Variants in ETV7 observed in about 807,000 individuals in gnomAD.
ETV7 encodes the protein ETS variant transcription factor 7.
A neutral mutation model predicts 39.1 loss-of-function variants in ETV7; 43 were observed. That is an observed-to-expected ratio of 1.10 (90% CI 0.86 to 1.42). ETV7 has a LOEUF of 1.42. ETV7 is among the 40% of genes most tolerant of loss of function. The pLI, the probability that ETV7 is intolerant of heterozygous loss-of-function variation, is 0.00. For synonymous variants in ETV7, 196 were observed against 176.6 expected (o/e 1.11, Z -0.87); for missense variants, 432 against 442.3 (o/e 0.98, Z 0.21).
chr6:36,371,216 C>G, intron 5 of ETV7, 114 bp downstream of exon 5: 1 of 1,069,514 alleles, frequency 9.4e-7, no homozygotes. Context: ...CCTGCAATCC[C>G]CCAGCCACAG....
intron 3 of ETV7, 101 bp downstream of exon 3, chr6:36,375,770 G>A (rs1188844402): frequency 6.4e-7 from 1 of 1,573,560 alleles, no homozygotes; most frequent in Non-Finnish European, 8.7e-7. Flanking sequence ...ATTCCCCAAG[G>A]AAGACCCCTC....
chr6:36,375,799 C>T (rs1344804580), intron 3 of ETV7, 72 bp downstream of exon 3: 2 of 1,608,094 alleles, frequency 1.2e-6, no homozygotes, highest in South Asian at 2.2e-5. Flanking sequence ...TCCCTGGGCC[C>T]CCCGGGGGTA....
downstream of ETV7, among the ~76,000 whole-genome samples, chr6:36,362,529 AATTGT>A (rs1345053586): frequency 1.3e-5 from 2 of 152,180 alleles, no homozygotes; most frequent in African/African-American, 2.4e-5. Flanking sequence ...TCAGGACTTT[AATTGT>A]ATGAAAAATG....
At chr6:36,377,829 C>T (rs996265114) in intron 2 of ETV7, among the ~76,000 whole-genome samples, 2 of 152,080 alleles carry the variant, frequency 1.3e-5, no homozygotes, top group Admixed American at 6.5e-5. Context: ...ATAGTCCTCC[C>T]GACGGCACAC....
intron 2 of ETV7, among the ~76,000 whole-genome samples, chr6:36,378,354 T>G (rs112576240): frequency 6.6e-6 from 1 of 150,876 alleles, no homozygotes; most frequent in African/African-American, 2.4e-5. Flanking sequence ...GCATAAAGAA[T>G]AGAAAAATAC....
At chr6:36,368,839 G>A in intron 6 of ETV7, 90 bp downstream of exon 6, 1 of 1,554,112 alleles carries the variant, frequency 6.4e-7, no homozygotes, top group Non-Finnish European at 8.8e-7. Flanking sequence ...CATCAGCTGA[G>A]GATTGTCCCA....
At chr6:36,377,773 A>C (rs1773449565) in intron 2 of ETV7, among the ~76,000 whole-genome samples, 3 of 152,212 alleles carry the variant, frequency 2.0e-5, no homozygotes, top group Admixed American at 2.0e-4. Flanking sequence ...ACGGCACAGA[A>C]CCAGGCTGGC....
chr6:36,364,417 G>C (rs528500310), downstream of ETV7, among the ~76,000 whole-genome samples: 2 of 152,226 alleles, frequency 1.3e-5, no homozygotes, highest in African/African-American at 4.8e-5. Context: ...CGAGCGCAGC[G>C]CCGGTGGGCT....
chr6:36,362,966 G>A (rs926020144), downstream of ETV7, among the ~76,000 whole-genome samples: 3 of 152,228 alleles, frequency 2.0e-5, no homozygotes, highest in African/African-American at 4.8e-5. Flanking sequence ...CTGAGAAGAG[G>A]AAATGAGGTG....
chr6:36,369,864 T>A (rs1213361002), intron 5 of ETV7, among the ~76,000 whole-genome samples: 3 of 151,342 alleles, frequency 2.0e-5, no homozygotes, highest in Admixed American at 6.6e-5. Context: ...TATGGTGGCA[T>A]CACTGCACTC....
In ETV7 at chr6:36,373,494, C is replaced by T; in HGVS notation, c.392G>A (p.Arg131Lys). 6.3e-7 allele frequency: 1 copy of T among 1,576,672 alleles called. No homozygotes were observed. Among genetic ancestry groups the T allele is most frequent in the Non-Finnish European group, 8.6e-7 (1 of 1,162,404 alleles). The change falls in exon 4 of 8, where the codon AGG (arginine) becomes AAG (lysine). Residue 131 changes from arginine (R) to lysine (K), a missense_variant. Physicochemically the swap from Arg to Lys is conservative, Grantham distance 26. Transcript: ENST00000340181. ...VCGPFFGGIF[R>K]LKTPTQHSPV... is the part of the protein sequence containing the mutation. ...AGAGTGCTGGGTGGGCGTCTTCAGC[C>T]TGAAGATCCCTCCAAAAAAGGGCCC...
Position 36,373,517 on chromosome 6 carries a change from C to T in ETV7, c.369G>A (p.Gly123=), listed in dbSNP as rs3213530. 274,078 of 1,561,104 alleles carry T rather than the reference C, an allele frequency of 0.18. 26,282 individuals carry two copies. The highest frequency in any genetic ancestry group is 0.36 in the Admixed American group (18,686 of 52,024). ...IKTQRRALVC[G]PFFGGIFRLK... ...GCCTGAAGATCCCTCCAAAAAAGGG[C>T]CCACACACCAGGGCTCGCCGCTGGG... The change falls in exon 4 of 8, where the codon GGG becomes GGA. Residue 123 remains glycine (G), a synonymous_variant. Coordinates refer to ENST00000340181, the MANE Select transcript of ETV7 (RefSeq NM_016135.4).
At chr6:36,363,302 CT>C (rs1201768986), downstream of ETV7, among the ~76,000 whole-genome samples, 7 of 150,042 alleles carry the variant, frequency 4.7e-5, no homozygotes, top group Non-Finnish European at 1.0e-4. Flanking sequence ...GTCTCGCTGG[CT>C]CAGGAGTGAA....
chr6:36,387,518 C>T lies in ETV7; in HGVS notation c.6+18G>A, dbSNP rs767498237. 6.2e-7 allele frequency: 1 copy of T among 1,614,090 alleles called. No individual in the cohort carries two copies. Among genetic ancestry groups the T allele is most frequent in the Non-Finnish European group, 8.5e-7 (1 of 1,180,010 alleles). ...TGGCTCTGCGTGCGCGCTGCGTGTT[C>T]AGCCGCCAGGCTCTTACCTGCATTA... On this transcript the variant is annotated intron_variant, in intron 1 of 7. Transcript: ENST00000340181.
downstream of ETV7, among the ~76,000 whole-genome samples, chr6:36,361,279 C>T (rs1269545396): frequency 6.6e-6 from 1 of 152,228 alleles, no homozygotes; most frequent in Non-Finnish European, 1.5e-5. Context: ...GCCAGCAGCG[C>T]AGGGCCCTGA....
chr6:36,387,622 C>A lies in ETV7; in HGVS notation c.-81G>T. On this transcript the variant is annotated 5_prime_UTR_variant, in exon 1 of 8. Transcript: ENST00000340181. The stretch of plus-strand genomic sequence containing the variant: ...TGGCTGCTGGGGCCCTAGGCCCGCG[C>A]CCCGCAGTCCTCCTCCGCCAAACCC... The A allele has an allele frequency of 6.6e-7, 1 of 1,516,308 alleles. No individual in the cohort carries two copies. The highest frequency in any genetic ancestry group is 9.1e-7 in the Non-Finnish European group (1 of 1,098,072). The allele number at this position is 1,516,308 out of a possible 1,614,324, so 93.9% of individuals were successfully genotyped here. A position where few individuals can be genotyped will look rare whatever the true frequency, so the allele number is the denominator to read the frequency against.
chr6:36,363,307 G>C (rs142192807), downstream of ETV7, among the ~76,000 whole-genome samples: 3,020 of 152,284 alleles, frequency 0.02, 70 homozygotes, highest in African/African-American at 0.059. Flanking sequence ...GCTGGCTCAG[G>C]AGTGAAGCTG....
chr6:36,363,276 T>C (rs576442422), downstream of ETV7, among the ~76,000 whole-genome samples: 187 of 152,254 alleles, frequency 1.2e-3, no homozygotes, highest in African/African-American at 4.3e-3. Flanking sequence ...AGTTTCTTCC[T>C]TCTGGTGGGT....
chr6:36,373,601 G>GGC, intron 3 of ETV7, 23 bp from the exon 4 acceptor site: 19 of 475,626 alleles, frequency 4.0e-5, no homozygotes, highest in Non-Finnish European at 7.6e-5. Context: ...GGGAGGGAGG[G>GGC]CAGGCTGCTG....
Sources: allele counts gnomAD v4.1 joint callset (sites outside exome capture counted in the v4.1 genomes callset), GRCh38; gene constraint gnomAD v4.1.1; transcripts MANE v1.5; gene names NCBI Gene and HGNC (gene_info 2026-07-23, HGNC 2026-07-21).